Variants in PBX1 observed in about 807,000 individuals in gnomAD.
The protein encoded by PBX1 is PBX homeobox 1, also known as pre-B-cell leukemia transcription factor 1.
In PBX1, 6 loss-of-function variants were observed where a neutral mutation model predicts 53.4. The ratio of observed to expected loss-of-function variants is 0.11; its 90% confidence interval spans 0.06 to 0.22. The LOEUF is 0.22. PBX1 is among the 10% of genes least tolerant of loss of function. PBX1 has a pLI of 1.00. For missense variants in PBX1, 251 were observed against 551.4 expected (o/e 0.46, Z 5.46); for synonymous variants, 204 against 212.3 (o/e 0.96, Z 0.34).
chr1:164,822,865 G>A (rs1670229496), intron 8 of PBX1, among the ~76,000 whole-genome samples: 1 of 152,188 alleles, frequency 6.6e-6, no homozygotes, highest in African/African-American at 2.4e-5. Context: ...CACAGTAAGA[G>A]TCCTCCAAAG....
intron 2 of PBX1, among the ~76,000 whole-genome samples, chr1:164,778,899 A>C (rs1667798526): frequency 6.6e-6 from 1 of 152,098 alleles, no homozygotes; most frequent in Admixed American, 6.5e-5. Context: ...AGGTAGGGAG[A>C]ACACCCTGAG....
intron 5 of PBX1, among the ~76,000 whole-genome samples, chr1:164,811,750 G>T (rs1669624144): frequency 6.6e-6 from 1 of 152,190 alleles, no homozygotes; most frequent in Admixed American, 6.5e-5. Flanking sequence ...TCCTTTATAG[G>T]AAGATTTTTG....
At chr1:164,626,340 A>G (rs1424519778) in intron 2 of PBX1, among the ~76,000 whole-genome samples, 1 of 152,118 alleles carries the variant, frequency 6.6e-6, no homozygotes, top group Non-Finnish European at 1.5e-5. Flanking sequence ...CTTTATCAGT[A>G]CAGGCTTTTG....
intron 2 of PBX1, among the ~76,000 whole-genome samples, chr1:164,633,588 T>C (rs184751627): frequency 7.0e-4 from 107 of 152,330 alleles, no homozygotes; most frequent in African/African-American, 2.5e-3. Flanking sequence ...GTGTACGTTA[T>C]CATGAATACT....
At chr1:164,841,190 G>A (rs1430540384) in intron 8 of PBX1, among the ~76,000 whole-genome samples, 8 of 152,102 alleles carry the variant, frequency 5.3e-5, no homozygotes, top group Admixed American at 3.3e-4. Flanking sequence ...CATGGCCAGG[G>A]GACAGATGGA....
At position 164,848,714 on chromosome 1, in the gene PBX1, C is replaced by A; in HGVS notation, c.*2038C>A. On this transcript the variant is annotated 3_prime_UTR_variant, in exon 9 of 9. Transcript: ENST00000420696. ...TGCCTTGTACATACTTGGTCCCTGT[C>A]ACATTGACTGCTTGGGAGGCTTCCA... 9.5e-7 allele frequency: 1 copy of A among 1,056,750 alleles called. No homozygotes were observed. Among genetic ancestry groups the A allele is most frequent in the Non-Finnish European group, 1.1e-6 (1 of 873,848 alleles). 65.5% of individuals were successfully genotyped at this position (1,056,750 alleles called of 1,614,324 possible). A position where few individuals can be genotyped will look rare whatever the true frequency, so the allele number is the denominator to read the frequency against.
At chr1:164,786,718 T>TGTGTGTGTGTGTGCGC (rs1391268022) in intron 2 of PBX1, among the ~76,000 whole-genome samples, 9 of 100,050 alleles carry the variant, frequency 9.0e-5, no homozygotes, top group African/African-American at 3.9e-4. Context: ...TGTGTGTGTG[T>TGTGTGTGTGTGTGCGC]GTGCGCGCGC....
At chr1:164,813,374 C>T (rs1669714774) in intron 6 of PBX1, 1 of 152,158 alleles carries the variant, frequency 6.6e-6, no homozygotes. Flanking sequence ...TTTTAATTTT[C>T]CCAGCACTGC....
In PBX1 at chr1:164,866,532, T is replaced by G. The variant is rs536391052; in HGVS notation, n.258-32656T>G. On this transcript the variant is annotated intron_variant and non_coding_transcript_variant, in intron 2 of 2. Transcript: ENST00000558796. ...GACATTCTCTATTGATAATCTTACCTGGTTTATGAGCTGTTCACAGAGATA... is the reference window on the plus strand; with the variant it reads ...GACATTCTCTATTGATAATCTTACCGGGTTTATGAGCTGTTCACAGAGATA... Among the ~76,000 whole-genome samples, 22 of 152,378 alleles carry G rather than the reference T, an allele frequency of 1.4e-4. No homozygotes were observed. The South Asian group carries it at 1.7e-3, about 11-fold the overall frequency.
At chr1:164,826,767 T>C (rs985768966) in intron 8 of PBX1, among the ~76,000 whole-genome samples, 4 of 152,216 alleles carry the variant, frequency 2.6e-5, no homozygotes, top group African/African-American at 7.2e-5. Flanking sequence ...CAGTCTTTGA[T>C]GTAAATAGAT....
intron 2 of PBX1, among the ~76,000 whole-genome samples, chr1:164,733,795 A>G (rs1665126859): frequency 6.6e-6 from 1 of 152,218 alleles, no homozygotes; most frequent in Non-Finnish European, 1.5e-5. Flanking sequence ...ATTTGAATTA[A>G]TTATAAGATT....
intron 2 of PBX1, among the ~76,000 whole-genome samples, chr1:164,600,373 T>C (rs1656082820): frequency 6.7e-6 from 1 of 149,346 alleles, no homozygotes; most frequent in African/African-American, 2.5e-5. Context: ...TGCCTCAGCC[T>C]CCCGAGTAGC....
At chr1:164,868,806 G>C (rs2102450900) in intron 2 of PBX1, among the ~76,000 whole-genome samples, 1 of 152,260 alleles carries the variant, frequency 6.6e-6, no homozygotes, top group South Asian at 2.1e-4. Flanking sequence ...GATTCTTTAA[G>C]TACCTCTAAA....
At chr1:164,881,236 A>G (rs1672639751) in intron 2 of PBX1, among the ~76,000 whole-genome samples, 1 of 151,996 alleles carries the variant, frequency 6.6e-6, no homozygotes, top group Non-Finnish European at 1.5e-5. Context: ...ATAGTATAAA[A>G]GCCAGTTGAT....
chr1:164,587,516 G>C (rs370319054), intron 2 of PBX1, among the ~76,000 whole-genome samples: 1 of 151,928 alleles, frequency 6.6e-6, no homozygotes. Context: ...CCTCTTTGTT[G>C]TTAGCTGATG....
chr1:164,649,472 C>T (rs1021476675), intron 2 of PBX1, among the ~76,000 whole-genome samples: 7 of 152,084 alleles, frequency 4.6e-5, no homozygotes, highest in African/African-American at 1.7e-4. Flanking sequence ...TCCTCCCAAC[C>T]CCTTGAAAAG....
chr1:164,663,165 C>CCTTCCTTCCTGCCTTCCTTCCTGT (rs1660590420), intron 2 of PBX1, among the ~76,000 whole-genome samples: 1 of 141,812 alleles, frequency 7.1e-6, no homozygotes, highest in African/African-American at 2.5e-5. Context: ...TGCCTGCCTG[C>CCTTCCTTCCTGCCTTCCTTCCTGT]CTTCCTTCCT....
chr1:164,792,604 T>G lies in PBX1; in HGVS notation c.376T>G (p.Ser126Ala), dbSNP rs962037824. 4 of 1,612,516 alleles carry G rather than the reference T, an allele frequency of 2.5e-6. No homozygotes were observed. The highest frequency in any genetic ancestry group is 2.7e-5 in the African/African-American group (2 of 74,548). The change falls in exon 3 of 9, where the codon TCG becomes GCG. Residue 126 changes from serine to alanine, a missense_variant. Physicochemically the swap from Ser to Ala is moderately conservative, Grantham distance 99. This residue lies in a region of PBX1 where 76 missense variants were observed against 197.5 expected (regional missense o/e 0.38). Transcript: ENST00000420696. ...GVAGPEKGGG[S>A]AAAAAAAAAS... is the part of the protein sequence containing the mutation. ...GGCGGGGCCTGAGAAGGGCGGAGGG[T>G]CGGCGGCAGCGGCGGCAGCGGCGGC...
At chr1:164,880,691 T>C (rs187175337) in intron 2 of PBX1, among the ~76,000 whole-genome samples, 15 of 152,302 alleles carry the variant, frequency 9.8e-5, no homozygotes, top group Admixed American at 6.5e-4. Context: ...AGGTGTAGGA[T>C]TGACTTTGGA....
Sources: allele counts gnomAD v4.1 joint callset (sites outside exome capture counted in the v4.1 genomes callset), GRCh38; gene constraint gnomAD v4.1.1; regional missense constraint gnomAD v4.1.1; transcripts MANE v1.5; gene names NCBI Gene and HGNC (gene_info 2026-07-23, HGNC 2026-07-21).